PPFIBP2: variants seen among roughly 807,000 people sequenced by gnomAD.
PPFIBP2 encodes liprin-beta-2.
PPFIBP2 carries 118 observed loss-of-function variants against 118.3 expected under a neutral mutation model. That is an observed-to-expected ratio of 1.00 (90% CI 0.86 to 1.16). The LOEUF (loss-of-function observed/expected upper bound fraction) is 1.16, where lower values mean the gene tolerates loss of function less well. PPFIBP2 is among the 50% of genes most tolerant of loss of function. PPFIBP2 has a pLI of 0.00. For missense variants in PPFIBP2, 1,195 were observed against 1,073.1 expected (o/e 1.11, Z -1.59); for synonymous variants, 414 against 397.4 (o/e 1.04, Z -0.50).
At chr11:7,577,338 T>TGCGC (rs1564994434) in intron 3 of PPFIBP2, 1 of 329,670 alleles carries the variant, frequency 3.0e-6, no homozygotes, top group African/African-American at 2.2e-5. Flanking sequence ...TGTGTGTGTG[T>TGCGC]GTGTGTGTGT....
chr11:7,655,614 T>C (rs1052592418), downstream of PPFIBP2: 1 of 855,314 alleles, frequency 1.2e-6, no homozygotes, highest in Non-Finnish European at 1.7e-6. Context: ...TGGTGCTTAG[T>C]GCTGGGGTCA....
chr11:7,523,994 T>C (rs1849997575), intron 1 of PPFIBP2, among the ~76,000 whole-genome samples: 1 of 152,212 alleles, frequency 6.6e-6, no homozygotes, highest in Non-Finnish European at 1.5e-5. Context: ...GGGCCACTCC[T>C]GTGACTGCAC....
chr11:7,580,908 G>C (rs1328001772), intron 3 of PPFIBP2, among the ~76,000 whole-genome samples: 1 of 152,166 alleles, frequency 6.6e-6, no homozygotes, highest in Non-Finnish European at 1.5e-5. Flanking sequence ...ATGGAACCAG[G>C]TTCTCTCCTA....
rs141172678 is a variant in PPFIBP2, at chr11:7,541,875, G to A, written c.-36-7565G>A. Among the ~76,000 whole-genome samples, 416 of 152,228 alleles carry A rather than the reference G, an allele frequency of 2.7e-3. 1 individual carries two copies. The highest frequency in any genetic ancestry group is 7.0e-3 in the African/African-American group (290 of 41,528). ...TCTCTAGGTACTCAGGGCAAAAACC[G>A]TGTAGGCACACTTGACTCTGCTCTC... is the stretch of plus-strand genomic sequence containing the variant. On this transcript the variant is annotated intron_variant, in intron 1 of 23. Transcript: ENST00000299492.
chr11:7,529,036 A>C (rs377750366), intron 1 of PPFIBP2, among the ~76,000 whole-genome samples: 3 of 152,208 alleles, frequency 2.0e-5, no homozygotes, highest in East Asian at 3.9e-4. Context: ...CTGGAGAGAA[A>C]AGTTGAGACC....
At chr11:7,545,215 G>A (rs1852203278) in intron 1 of PPFIBP2, among the ~76,000 whole-genome samples, 1 of 152,108 alleles carries the variant, frequency 6.6e-6, no homozygotes, top group Non-Finnish European at 1.5e-5. Context: ...GATCACTTGA[G>A]GCCAGGAGTT....
intron 9 of PPFIBP2, among the ~76,000 whole-genome samples, chr11:7,628,855 C>T (rs1474899741): frequency 6.6e-6 from 1 of 152,136 alleles, no homozygotes; most frequent in East Asian, 1.9e-4. Flanking sequence ...GGATCACAAC[C>T]CTGCATTTTA....
intron 5 of PPFIBP2, among the ~76,000 whole-genome samples, chr11:7,600,760 T>G (rs1861285021): frequency 6.6e-6 from 1 of 152,228 alleles, no homozygotes; most frequent in African/African-American, 2.4e-5. Context: ...CAGCAGCTGC[T>G]GTTCTACTCC....
intron 3 of PPFIBP2, among the ~76,000 whole-genome samples, chr11:7,582,982 A>C (rs1470251421): frequency 6.6e-6 from 1 of 152,158 alleles, no homozygotes; most frequent in Admixed American, 6.5e-5. Flanking sequence ...GGGAAAAAAC[A>C]AATCAAAACT....
downstream of PPFIBP2, among the ~76,000 whole-genome samples, chr11:7,656,054 C>T (rs1054036993): frequency 6.6e-6 from 1 of 152,210 alleles, no homozygotes; most frequent in South Asian, 2.1e-4. Context: ...CCTGCTCTGA[C>T]TTCACTAGCT....
At chr11:7,552,193 G>T (rs1214817047) in intron 2 of PPFIBP2, among the ~76,000 whole-genome samples, 1 of 152,166 alleles carries the variant, frequency 6.6e-6, no homozygotes, top group Non-Finnish European at 1.5e-5. Flanking sequence ...TACTTACATG[G>T]TCTGTGCCTC....
chr11:7,665,971 T>A, the PPFIBP2 span: 8,861 of 1,484,650 alleles, frequency 6.0e-3, 27 homozygotes, highest in Non-Finnish European at 7.2e-3. Context: ...CCGGGAGCAG[T>A]GTGAGAGGCG....
At chr11:7,601,437 TG>T in intron 5 of PPFIBP2, among the ~76,000 whole-genome samples, 2 of 152,082 alleles carry the variant, frequency 1.3e-5, no homozygotes, top group Middle Eastern at 6.8e-3. Flanking sequence ...CGGCAGGATG[TG>T]GGATGGGAAG....
Position 7,648,825 on chromosome 11 carries a change from A to T in PPFIBP2, c.1823A>T (p.His608Leu), listed in dbSNP as rs746455608. The change falls in exon 19 of 24, where the codon CAC (histidine) becomes CTC (leucine). Residue 608 changes from histidine (H) to leucine (L), a missense_variant. Coordinates refer to ENST00000299492, the MANE Select transcript of PPFIBP2 (RefSeq NM_003621.5). Reference sequence around the variant, plus strand: ...GAGCTAGGAATTAAGCACCCACTCCACAGGAAGAAGCTTGTTTTAGCAGTG... The same window carrying T: ...GAGCTAGGAATTAAGCACCCACTCCTCAGGAAGAAGCTTGTTTTAGCAGTG... ...EKELGIKHPL[H>L]RKKLVLAVKA... 1.9e-6 allele frequency: 3 copies of T among 1,614,090 alleles called. No individual in the cohort carries two copies.
At chr11:7,566,618 C>T (rs964869916) in intron 3 of PPFIBP2, among the ~76,000 whole-genome samples, 1 of 152,154 alleles carries the variant, frequency 6.6e-6, no homozygotes, top group African/African-American at 2.4e-5. Flanking sequence ...CCACCCACCT[C>T]GGCCTCCCAA....
downstream of PPFIBP2, among the ~76,000 whole-genome samples, chr11:7,661,833 G>A (rs1240899407): frequency 9.7e-6 from 1 of 103,484 alleles, no homozygotes; most frequent in Admixed American, 9.4e-5. Flanking sequence ...GGGTGCTCCT[G>A]TATTGGGTGC....
At chr11:7,623,943 G>T (rs534934546) in intron 7 of PPFIBP2, among the ~76,000 whole-genome samples, 28 of 152,342 alleles carry the variant, frequency 1.8e-4, no homozygotes, top group African/African-American at 6.5e-4. Flanking sequence ...ATAGCTGCAT[G>T]TCTCAGAAAG....
At chr11:7,518,437 A>C (rs1307560096) in intron 1 of PPFIBP2, among the ~76,000 whole-genome samples, 15 of 152,042 alleles carry the variant, frequency 9.9e-5, no homozygotes. Context: ...TCTGCAAGGA[A>C]ACACATAATC....
At chr11:7,577,346 T>TGC (rs1856567490) in intron 3 of PPFIBP2, 2 of 330,742 alleles carry the variant, frequency 6.0e-6, no homozygotes, top group Non-Finnish European at 1.2e-5. Flanking sequence ...TGTGTGTGTG[T>TGC]GTGTGTTTGT....
Sources: allele counts gnomAD v4.1 joint callset (sites outside exome capture counted in the v4.1 genomes callset), GRCh38; gene constraint gnomAD v4.1.1; transcripts MANE v1.5; gene names NCBI Gene and HGNC (gene_info 2026-07-23, HGNC 2026-07-21).